CSMD2: variants seen among roughly 807,000 people sequenced by gnomAD.
CSMD2 encodes the protein CUB and Sushi multiple domains 2.
Under a neutral mutation model 398.5 loss-of-function variants are expected in CSMD2, and 130 were observed. That is an observed-to-expected ratio of 0.33 (90% CI 0.28 to 0.38). The LOEUF (loss-of-function observed/expected upper bound fraction) is 0.38, where lower values mean the gene tolerates loss of function less well. Ranked by LOEUF, CSMD2 falls within the 10% of genes least tolerant of loss-of-function variation. The probability of loss-of-function intolerance (pLI) is 1.00; values close to 1 mark genes in which losing one functional copy is unlikely to be tolerated. For synonymous variants in CSMD2, 1,828 were observed against 1,908.5 expected, an observed-to-expected ratio of 0.96 and a Z score of 1.10; for missense variants, 3,829 against 4,764.9, an observed-to-expected ratio of 0.80 and a Z score of 5.78.
intron 1 of CSMD2, among the ~76,000 whole-genome samples, chr1:34,157,608 C>CA (rs1640928664): frequency 6.6e-6 from 1 of 150,804 alleles, no homozygotes; most frequent in African/African-American, 2.4e-5. Context: ...ATTCCCTCCC[C>CA]ACCTCACCCC....
intron 3 of CSMD2, among the ~76,000 whole-genome samples, chr1:33,982,485 G>C (rs1646206374): frequency 1.3e-5 from 2 of 152,192 alleles, no homozygotes; most frequent in African/African-American, 4.8e-5. Flanking sequence ...AGGGAGGAGA[G>C]AGGTTATCCT....
At chr1:33,597,272 T>G (rs926436907) in intron 44 of CSMD2, among the ~76,000 whole-genome samples, 9 of 152,230 alleles carry the variant, frequency 5.9e-5, no homozygotes, top group Non-Finnish European at 1.3e-4. Flanking sequence ...CTAGCTCCTT[T>G]TTTTTTCTTT....
At chr1:33,986,981 C>G (rs1646381021) in intron 3 of CSMD2, among the ~76,000 whole-genome samples, 1 of 152,090 alleles carries the variant, frequency 6.6e-6, no homozygotes, top group African/African-American at 2.4e-5. Context: ...TCTGCTGGCT[C>G]CAGGTTGCAG....
Position 34,089,140 on chromosome 1 carries a change from C to G in CSMD2, c.241G>C (p.Gly81Arg). 1 of 1,614,156 alleles carries G rather than the reference C, an allele frequency of 6.2e-7. No individual in the cohort carries two copies. The highest frequency in any genetic ancestry group is 8.5e-7 in the Non-Finnish European group (1 of 1,180,034). The stretch of plus-strand genomic sequence containing the variant: ...TAATTGGGGTAGCCATATGGGAACC[C>G]TGGGCTCTCAACTGTCCCATTGGGA... ...HGPNGTVESP[G>R]FPYGYPNYAN... Residue 81 changes from glycine (G) to arginine (R), a missense_variant, in exon 2 of 71, where the codon GGG (glycine) becomes CGG (arginine). Transcript: ENST00000373381.
chr1:33,843,698 C>T (rs1166600964), intron 6 of CSMD2, among the ~76,000 whole-genome samples: 1 of 152,194 alleles, frequency 6.6e-6, no homozygotes, highest in Non-Finnish European at 1.5e-5. Flanking sequence ...AGAGCAGGGC[C>T]TCTGTTTCCT....
chr1:33,613,828 A>T (rs1017271210), intron 40 of CSMD2, among the ~76,000 whole-genome samples: 1 of 152,184 alleles, frequency 6.6e-6, no homozygotes, highest in Non-Finnish European at 1.5e-5. Flanking sequence ...TTTGGGTTAA[A>T]TGATATTCCC....
At chr1:33,786,060 C>T (rs1051110880) in intron 12 of CSMD2, among the ~76,000 whole-genome samples, 7 of 152,328 alleles carry the variant, frequency 4.6e-5, no homozygotes, top group African/African-American at 1.4e-4. Context: ...AACTAACTTC[C>T]TGGGATAAAT....
intron 13 of CSMD2, among the ~76,000 whole-genome samples, chr1:33,745,568 G>A (rs1647281844): frequency 6.6e-6 from 1 of 152,158 alleles, no homozygotes. Flanking sequence ...GTGACTCCTT[G>A]TGATGAGTTT....
In CSMD2 at chr1:34,163,799, C is replaced by A. The variant is rs1485026072; in HGVS notation, c.187+1112G>T. On this transcript the variant is annotated intron_variant, in intron 1 of 70. Transcript: ENST00000373381. This position sits in a 1 kb window ranked among gnomAD's most constrained non-coding sequence, Gnocchi z 5.4. ...AATGAAAATGCGGTTCCAGGCATCC[C>A]GGTTTGGACCCGTCTCCACCCGGGC... Among the ~76,000 whole-genome samples, 1 of 152,282 alleles carries A rather than the reference C, an allele frequency of 6.6e-6. No individual in the cohort carries two copies. Among genetic ancestry groups the A allele is most frequent in the Middle Eastern group, 3.4e-3 (1 of 294 alleles).
chr1:33,918,498 C>G (rs1367278639), intron 4 of CSMD2, among the ~76,000 whole-genome samples, 197 bp from the exon 5 acceptor site: 1 of 152,120 alleles, frequency 6.6e-6, no homozygotes, highest in African/African-American at 2.4e-5. Context: ...GTCATTAGAG[C>G]TGGGTTTTGA....
At chr1:33,643,159 C>T (rs1643209037) in intron 29 of CSMD2, among the ~76,000 whole-genome samples, 1 of 152,186 alleles carries the variant, frequency 6.6e-6, no homozygotes, top group South Asian at 2.1e-4. Flanking sequence ...CCTGAGGACC[C>T]AGCCCTGCCT....
At chr1:33,725,925 T>TA (rs1409993097) in intron 16 of CSMD2, among the ~76,000 whole-genome samples, 4,267 of 140,678 alleles carry the variant, frequency 0.03, 202 homozygotes, top group African/African-American at 0.1. Context: ...AAAGAGATCT[T>TA]AAAAAAAAAA....
intron 4 of CSMD2, among the ~76,000 whole-genome samples, chr1:33,920,542 C>CAAAAAAAAAAAAAAAAAAAAAAAAAA (rs58865984): frequency 1.2e-5 from 1 of 84,214 alleles, no homozygotes; most frequent in African/African-American, 3.7e-5. Context: ...CAATCTGTCT[C>CAAAAAAAAAAAAAAAAAAAAAAAAAA]AAAAAAAAAA....
intron 21 of CSMD2, 138 bp from the exon 22 acceptor site, chr1:33,709,396 G>T (rs1333420379): frequency 4.5e-6 from 3 of 665,616 alleles, no homozygotes; most frequent in African/African-American, 1.8e-5. Flanking sequence ...TGTCTGTCCA[G>T]TTGTTGGACT....
chr1:33,859,818 T>C (rs1639357453), intron 5 of CSMD2, among the ~76,000 whole-genome samples: 1 of 152,220 alleles, frequency 6.6e-6, no homozygotes, highest in Non-Finnish European at 1.5e-5. Context: ...ATCTGAGAGA[T>C]ACTTTGACAG....
intron 33 of CSMD2, 31 bp downstream of exon 33, chr1:33,626,454 CT>C: frequency 6.6e-7 from 1 of 1,505,742 alleles, no homozygotes; most frequent in Non-Finnish European, 9.1e-7. Context: ...CCGAGATCAC[CT>C]TCCTACCTCC....
intron 66 of CSMD2, among the ~76,000 whole-genome samples, chr1:33,524,166 C>T (rs1337350127): frequency 6.6e-6 from 1 of 152,094 alleles, no homozygotes; most frequent in Non-Finnish European, 1.5e-5. Context: ...GAATGCATTT[C>T]CCTCAACACT....
chr1:34,099,778 C>CCT (rs1246154107), intron 1 of CSMD2, among the ~76,000 whole-genome samples: 1 of 152,092 alleles, frequency 6.6e-6, no homozygotes, highest in African/African-American at 2.4e-5. Flanking sequence ...CTAAATAGTC[C>CCT]CTCTGGAAGC....
At chr1:33,700,732 A>T (rs1645585334) in intron 22 of CSMD2, 59 bp from the exon 23 acceptor site, 4 of 1,553,842 alleles carry the variant, frequency 2.6e-6, no homozygotes, top group Non-Finnish European at 3.5e-6. Context: ...GTTGAACAAC[A>T]CCTCCTTACC....
Sources: gnomAD v4.1 joint callset for allele counts (sites outside exome capture counted in the v4.1 genomes callset) on GRCh38, gnomAD v4.1.1 for gene constraint, Gnocchi (gnomAD v3.1) non-coding constraint, MANE v1.5 for transcripts, NCBI Gene and HGNC (gene_info 2026-07-23, HGNC 2026-07-21) for gene names.